Variants in RPS6KA3 observed in about 807,000 individuals in gnomAD.
The protein encoded by RPS6KA3 is ribosomal protein S6 kinase alpha-3.
In RPS6KA3, 4 loss-of-function variants were observed where a neutral mutation model predicts 67.2. The ratio of observed to expected loss-of-function variants is 0.06; its 90% confidence interval spans 0.03 to 0.14. The LOEUF (loss-of-function observed/expected upper bound fraction) is 0.14. Among genes scored for constraint, RPS6KA3 ranks in the 10% least tolerant of loss-of-function variants. RPS6KA3 has a pLI of 1.00. For synonymous variants in RPS6KA3, 182 were observed against 183.7 expected (o/e 0.99, Z 0.07); for missense variants, 204 against 559.0 (o/e 0.36, Z 6.40).
At chrX:20,257,740 A>G (rs921270142) in intron 1 of RPS6KA3, among the ~76,000 whole-genome samples, 3 of 112,411 alleles carry the variant, frequency 2.7e-5, no homozygotes, top group African/African-American at 6.5e-5. Context: ...AGATAATTGT[A>G]TATTTTTCTC....
intron 1 of RPS6KA3, among the ~76,000 whole-genome samples, chrX:20,245,342 CTAAGTA>C (rs1168352940): frequency 6.2e-5 from 7 of 112,141 alleles, no homozygotes; most frequent in African/African-American, 1.9e-4. Context: ...AACGTTACTT[CTAAGTA>C]TAACTTTTTC....
chrX:20,255,204 T>C (rs757120180), intron 1 of RPS6KA3, among the ~76,000 whole-genome samples: 3 of 111,836 alleles, frequency 2.7e-5, no homozygotes, highest in Admixed American at 1.9e-4. Flanking sequence ...CCTTGAAACA[T>C]GCAAGAACCT....
In RPS6KA3 at chrX:20,152,626, A is replaced by G. The variant is rs1161278387; in HGVS notation, c.*2772T>C. On this transcript the variant is annotated 3_prime_UTR_variant, in exon 22 of 22. Coordinates refer to ENST00000379565, the MANE Select transcript of RPS6KA3 (RefSeq NM_004586.3). ...TAATTGATGTTGAGAAATTAATGGA[A>G]AAGTTAACCCAACACAAGCACTATA... is the stretch of plus-strand genomic sequence containing the variant. 2 of 112,341 alleles carry G rather than the reference A, an allele frequency of 1.8e-5. No individual in the cohort carries two copies. Among genetic ancestry groups the G allele is most frequent in the African/African-American group, 3.2e-5 (1 of 30,913 alleles). The allele number at this position is 112,341 out of a possible 1,213,427, so 9.3% of individuals were successfully genotyped here.
chrX:20,266,576 G>A lies in RPS6KA3; in HGVS notation c.57C>T (p.Ser19=). The A allele has an allele frequency of 6.9e-6, 8 of 1,153,044 alleles. No individual in the cohort carries two copies. The highest frequency in any genetic ancestry group is 3.8e-5 in the South Asian group (2 of 52,538). The change falls in exon 1 of 22, where the codon TCC becomes TCT. Residue 19 remains serine (S), a synonymous_variant. Coordinates refer to ENST00000379565, the MANE Select transcript of RPS6KA3 (RefSeq NM_004586.3). ...PWQKMAVESP[S]DSAENGQQIM... The stretch of plus-strand genomic sequence containing the variant: ...CTGCTGCACTCACCTCAGCGCTGTC[G>A]GACGGGCTCTCCACAGCCATCTTCT...
chrX:20,224,417 AT>A (rs1390873634), intron 2 of RPS6KA3, among the ~76,000 whole-genome samples: 1 of 111,233 alleles, frequency 9.0e-6, no homozygotes, highest in African/African-American at 3.3e-5. Context: ...AAACCCAATT[AT>A]TAACCATCCT....
At chrX:20,214,447 T>C (rs765645239) in intron 2 of RPS6KA3, among the ~76,000 whole-genome samples, 2 of 112,509 alleles carry the variant, frequency 1.8e-5, no homozygotes, top group Non-Finnish European at 3.8e-5. Flanking sequence ...CTCAGAACTT[T>C]GACACCATAG....
chrX:20,240,178 A>C (rs1236904006), intron 1 of RPS6KA3, among the ~76,000 whole-genome samples: 1 of 108,413 alleles, frequency 9.2e-6, no homozygotes, highest in African/African-American at 3.3e-5. Context: ...GAATCTTCAG[A>C]GAGAGTAACA....
rs1331718771 is a variant in RPS6KA3 at position 20,152,826 on chromosome X, C to T, written c.*2572G>A. On this transcript the variant is annotated 3_prime_UTR_variant, in exon 22 of 22. Transcript: ENST00000379565. Reference sequence around the variant, plus strand: ...GCTAGGCAAAGAAGGCAATTATCTTCGAAAGAAATAAAAGTTGGCATCACA... The same window carrying T: ...GCTAGGCAAAGAAGGCAATTATCTTTGAAAGAAATAAAAGTTGGCATCACA... The T allele has an allele frequency of 8.9e-6, 1 of 111,830 alleles. No homozygotes were observed. Among genetic ancestry groups the T allele is most frequent in the Non-Finnish European group, 1.9e-5 (1 of 53,179 alleles). 9.2% of individuals were successfully genotyped at this position (111,830 alleles called of 1,213,427 possible). A position where few individuals can be genotyped will look rare whatever the true frequency, so the allele number is the denominator to read the frequency against.
intron 1 of RPS6KA3, among the ~76,000 whole-genome samples, chrX:20,254,309 G>C (rs1245316861): frequency 8.9e-6 from 1 of 111,739 alleles, no homozygotes; most frequent in East Asian, 2.8e-4. Flanking sequence ...AGAAACTATA[G>C]ACTAGTTTAG....
intron 2 of RPS6KA3, among the ~76,000 whole-genome samples, chrX:20,216,551 T>C (rs2068855754): frequency 9.1e-6 from 1 of 109,934 alleles, no homozygotes; most frequent in African/African-American, 3.3e-5. Flanking sequence ...GATATTGAGT[T>C]GAGTAAAGAG....
chrX:20,224,651 G>C (rs1270537327), intron 2 of RPS6KA3, among the ~76,000 whole-genome samples: 2 of 111,447 alleles, frequency 1.8e-5, no homozygotes, highest in African/African-American at 3.3e-5. Context: ...TTATAAAGTG[G>C]TAAAAGCCTA....
intron 4 of RPS6KA3, among the ~76,000 whole-genome samples, chrX:20,196,797 C>G (rs1459549797): frequency 5.4e-5 from 6 of 111,769 alleles, no homozygotes; most frequent in Non-Finnish European, 7.5e-5. Context: ...GATTTCATTA[C>G]CTTGCCCGAT....
chrX:20,223,790 C>T (rs914863617), intron 2 of RPS6KA3, among the ~76,000 whole-genome samples: 1 of 111,894 alleles, frequency 8.9e-6, no homozygotes, highest in African/African-American at 3.2e-5. Flanking sequence ...TTTTAATCTC[C>T]TTCCTATCTG....
At chrX:20,229,332 C>T (rs895619109) in intron 2 of RPS6KA3, among the ~76,000 whole-genome samples, 3 of 112,076 alleles carry the variant, frequency 2.7e-5, no homozygotes, top group Non-Finnish European at 5.6e-5. Context: ...TACCAGCTGA[C>T]GACCTCCATA....
rs146633778 is a variant in RPS6KA3, at chrX:20,173,694, A to G, written c.1228-823T>C. On this transcript the variant is annotated intron_variant, in intron 14 of 21. Coordinates refer to ENST00000379565, the MANE Select transcript of RPS6KA3 (RefSeq NM_004586.3). ...AGAATTTGTAATTTAAAAACTTGCC[A>G]TACATTCATGTGCTTGCATAGTAAA... is the stretch of plus-strand genomic sequence containing the variant. Among the ~76,000 whole-genome samples the G allele has an allele frequency of 6.4e-3, 722 of 112,688 alleles. 22 individuals are homozygous for G. Among genetic ancestry groups the G allele is most frequent in the Admixed American group, 0.054 (572 of 10,614 alleles).
In RPS6KA3 at chrX:20,152,928, A is replaced by C. The variant is rs1272573017; in HGVS notation, c.*2470T>G. The C allele has an allele frequency of 9.0e-6, 1 of 111,515 alleles. No individual in the cohort carries two copies. Among genetic ancestry groups the C allele is most frequent in the African/African-American group, 3.3e-5 (1 of 30,570 alleles). 9.2% of individuals were successfully genotyped at this position (111,515 alleles called of 1,213,427 possible). A position where few individuals can be genotyped will look rare whatever the true frequency, so the allele number is the denominator to read the frequency against. The stretch of plus-strand genomic sequence containing the variant: ...GTTGGTGATCATATGAGGGAAAGGC[A>C]GCATGGTGTGATGAGGCGGAAAAAA... On this transcript the variant is annotated 3_prime_UTR_variant, in exon 22 of 22. Coordinates refer to ENST00000379565, the MANE Select transcript of RPS6KA3 (RefSeq NM_004586.3).
chrX:20,254,206 CTT>C (rs2069967855), intron 1 of RPS6KA3, among the ~76,000 whole-genome samples: 1 of 111,868 alleles, frequency 8.9e-6, no homozygotes, highest in South Asian at 3.7e-4. Flanking sequence ...TATCTGTTGA[CTT>C]ATATTTAATT....
chrX:20,232,791 A>G (rs1027053770), intron 2 of RPS6KA3, among the ~76,000 whole-genome samples: 1 of 112,015 alleles, frequency 8.9e-6, no homozygotes, highest in Non-Finnish European at 1.9e-5. Flanking sequence ...ACAAATGCCA[A>G]TAATGATGGA....
chrX:20,237,795 T>C (rs1348687748), intron 1 of RPS6KA3, among the ~76,000 whole-genome samples: 1 of 111,654 alleles, frequency 9.0e-6, no homozygotes, highest in Admixed American at 9.5e-5. Context: ...TGATAAGGCA[T>C]CTCAACAGTC....
Sources: allele counts gnomAD v4.1 joint callset (sites outside exome capture counted in the v4.1 genomes callset), GRCh38; gene constraint gnomAD v4.1.1; transcripts MANE v1.5; gene names NCBI Gene and HGNC (gene_info 2026-07-23, HGNC 2026-07-21).